Variants in TGFBR3 observed in about 807,000 individuals in gnomAD.
The protein encoded by TGFBR3 is transforming growth factor beta receptor 3, also known as transforming growth factor beta receptor type 3.
Under a neutral mutation model 87.9 loss-of-function variants are expected in TGFBR3, and 46 were observed. The ratio of observed to expected loss-of-function variants is 0.52; its 90% confidence interval spans 0.41 to 0.67. The LOEUF (loss-of-function observed/expected upper bound fraction) is 0.67. Among genes scored for constraint, TGFBR3 ranks in the 30% least tolerant of loss-of-function variants. The pLI is 0.00. For synonymous variants in TGFBR3, 381 were observed against 391.6 expected (o/e 0.97, Z 0.32); for missense variants, 866 against 1,041.9 (o/e 0.83, Z 2.32).
intron 2 of TGFBR3, among the ~76,000 whole-genome samples, chr1:91,825,700 G>C (rs551534282): frequency 6.6e-6 from 1 of 152,226 alleles, no homozygotes; most frequent in African/African-American, 2.4e-5. Context: ...TCCACTTGTG[G>C]TTAGGTTCAG....
At chr1:91,731,886 C>T (rs1028641238) in intron 5 of TGFBR3, among the ~76,000 whole-genome samples, 2 of 152,208 alleles carry the variant, frequency 1.3e-5, no homozygotes, top group African/African-American at 4.8e-5. Flanking sequence ...TTATTAAGGG[C>T]TCTAGTCCCA....
At chr1:91,856,667 T>C (rs1049727336) in intron 2 of TGFBR3, among the ~76,000 whole-genome samples, 2 of 152,184 alleles carry the variant, frequency 1.3e-5, no homozygotes, top group African/African-American at 4.8e-5. Flanking sequence ...GATTTACAGC[T>C]TTAAGGCCAC....
rs548456247 is a variant in TGFBR3, at chr1:91,886,116, G to A, written c.-352C>T. ...TGCCCTCCTTCACTCGCTGGGAAGA[G>A]GAAAGTGCCGCTCGGCGTCCCCGAA... On this transcript the variant is annotated 5_prime_UTR_variant, in exon 1 of 17. Transcript: ENST00000212355. The A allele has an allele frequency of 4.8e-5, 22 of 454,114 alleles. No homozygotes were observed. In the East Asian group the frequency reaches 7.0e-4, roughly 14 times the overall value. The allele number at this position is 454,114 out of a possible 1,614,324, so 28.1% of individuals were successfully genotyped here.
chr1:91,686,978 A>G (rs1297065353), intron 16 of TGFBR3, among the ~76,000 whole-genome samples: 3 of 152,200 alleles, frequency 2.0e-5, no homozygotes, highest in Non-Finnish European at 4.4e-5. Flanking sequence ...CTTTCCTCCT[A>G]AAATATCAAA....
At chr1:91,859,939 T>C (rs1678114155) in intron 2 of TGFBR3, among the ~76,000 whole-genome samples, 1 of 148,292 alleles carries the variant, frequency 6.7e-6, no homozygotes, top group African/African-American at 2.5e-5. Context: ...ATACTTGCAA[T>C]GAGAGGAACA....
At chr1:91,822,679 C>T (rs1676493558) in intron 2 of TGFBR3, among the ~76,000 whole-genome samples, 1 of 152,162 alleles carries the variant, frequency 6.6e-6, no homozygotes, top group Non-Finnish European at 1.5e-5. Flanking sequence ...GTAATCCTAG[C>T]ACTTTGAGAG....
chr1:91,898,866 G>C (rs1269517077), intron 2 of TGFBR3, among the ~76,000 whole-genome samples: 1 of 152,192 alleles, frequency 6.6e-6, no homozygotes, highest in Non-Finnish European at 1.5e-5. Context: ...TGTATATGTA[G>C]ATTTAGTTCA....
intron 2 of TGFBR3, among the ~76,000 whole-genome samples, chr1:91,814,459 C>T (rs1007717428): frequency 1.6e-4 from 24 of 151,852 alleles, no homozygotes; most frequent in African/African-American, 5.8e-4. Context: ...GGAAACTTTC[C>T]GTGGTTTATG....
Position 91,680,784 on chromosome 1 carries a change from A to G in TGFBR3, c.*2955T>C, listed in dbSNP as rs1316587322. The stretch of plus-strand genomic sequence containing the variant: ...AGACTGGCACGCGTGTGAGCACCCC[A>G]CACACACTCACAATCATGCCCACTA... On this transcript the variant is annotated 3_prime_UTR_variant, in exon 17 of 17. Transcript: ENST00000212355. 1 of 454,076 alleles carries G rather than the reference A, an allele frequency of 2.2e-6. No homozygotes were observed. The highest frequency in any genetic ancestry group is 4.4e-6 in the Non-Finnish European group (1 of 226,756). 28.1% of individuals were successfully genotyped at this position (454,076 alleles called of 1,614,324 possible).
At chr1:91,883,073 G>A (rs181623465) in intron 1 of TGFBR3, among the ~76,000 whole-genome samples, 334 of 152,234 alleles carry the variant, frequency 2.2e-3, no homozygotes, top group Admixed American at 5.8e-3. Context: ...ACACAAATGA[G>A]GATCATTACA....
Position 91,861,570 on chromosome 1 carries a change from A to G in TGFBR3, c.-39T>C, listed in dbSNP as rs760186833. 9.9e-6 allele frequency: 15 copies of G among 1,516,130 alleles called. No homozygotes were observed. Among genetic ancestry groups the G allele is most frequent in the Admixed American group, 1.7e-5 (1 of 59,924 alleles). The allele number at this position is 1,516,130 out of a possible 1,614,324, so 93.9% of individuals were successfully genotyped here. Reference sequence around the variant, plus strand: ...ACAGTGCGTCTCGTCCAGTCACTTCAGCCTGCTCAGAGCACAGACAATCTT... The same window carrying G: ...ACAGTGCGTCTCGTCCAGTCACTTCGGCCTGCTCAGAGCACAGACAATCTT... On this transcript the variant is annotated 5_prime_UTR_variant, in exon 2 of 17. Coordinates refer to ENST00000212355, the MANE Select transcript of TGFBR3 (RefSeq NM_003243.5).
chr1:91,829,413 G>A (rs576087122), intron 2 of TGFBR3, among the ~76,000 whole-genome samples: 29 of 151,418 alleles, frequency 1.9e-4, no homozygotes, highest in Non-Finnish European at 2.9e-4. Flanking sequence ...AAAAAACAAG[G>A]CATGGTGTGG....
intron 2 of TGFBR3, among the ~76,000 whole-genome samples, chr1:91,809,094 A>T (rs1675938546): frequency 6.6e-6 from 1 of 152,236 alleles, no homozygotes; most frequent in Non-Finnish European, 1.5e-5. Context: ...AAAAAATTAC[A>T]ACTTAATTCC....
intron 3 of TGFBR3, among the ~76,000 whole-genome samples, chr1:91,780,551 C>CTTTTTTTTTTTT (rs60294904): frequency 5.2e-5 from 4 of 77,168 alleles, no homozygotes; most frequent in Non-Finnish European, 6.9e-5. Flanking sequence ...GGGTCTAAGG[C>CTTTTTTTTTTTT]TTTTTTTTTT....
chr1:91,777,107 A>G (rs542360205), intron 3 of TGFBR3, among the ~76,000 whole-genome samples: 22 of 152,314 alleles, frequency 1.4e-4, no homozygotes, highest in African/African-American at 5.1e-4. Flanking sequence ...ATAGGAACAT[A>G]GGAAGTGCCA....
At position 91,726,646 on chromosome 1, in the gene TGFBR3, T is replaced by C. The variant is rs139267712; in HGVS notation, c.885+1013A>G. On this transcript the variant is annotated intron_variant, in intron 7 of 16. Transcript: ENST00000212355. ...TTACATGACGTTGCCAAGGGAACTG[T>C]TGGCTTTGCTCACTGTGGTATCACA... Among the ~76,000 whole-genome samples, 46 of 152,086 alleles carry C rather than the reference T, an allele frequency of 3.0e-4. 2 individuals carry two copies. In the East Asian group the frequency reaches 8.5e-3, roughly 28 times the overall value.
At chr1:91,742,698 A>G (rs1474160556) in intron 4 of TGFBR3, among the ~76,000 whole-genome samples, 1 of 152,164 alleles carries the variant, frequency 6.6e-6, no homozygotes, top group Non-Finnish European at 1.5e-5. Flanking sequence ...AAGGGTCCCA[A>G]TTCCTAGTAA....
At chr1:91,844,626 T>G (rs966144037) in intron 2 of TGFBR3, among the ~76,000 whole-genome samples, 5 of 152,242 alleles carry the variant, frequency 3.3e-5, no homozygotes, top group African/African-American at 9.6e-5. Context: ...CCATACTTAT[T>G]TTAGAATAAC....
chr1:91,829,923 G>A (rs934492371), intron 2 of TGFBR3: 5 of 151,986 alleles, frequency 3.3e-5, no homozygotes, highest in African/African-American at 1.2e-4. Flanking sequence ...AGTCCCCTGG[G>A]AGTCCCCAGG....
Sources: allele counts gnomAD v4.1 joint callset (sites outside exome capture counted in the v4.1 genomes callset), GRCh38; gene constraint gnomAD v4.1.1; transcripts MANE v1.5; gene names NCBI Gene and HGNC (gene_info 2026-07-23, HGNC 2026-07-21).